CHD7: variants seen among roughly 807,000 people sequenced by gnomAD.
The protein encoded by CHD7 is chromodomain helicase DNA binding protein 7.
In CHD7, 24 loss-of-function variants were observed where a neutral mutation model predicts 307.3. The observed-to-expected ratio is 0.08, with a 90% CI of 0.06 to 0.11. CHD7 has a LOEUF of 0.11. Among genes scored for constraint, CHD7 ranks in the 10% least tolerant of loss-of-function variants. The pLI, the probability that CHD7 is intolerant of heterozygous loss-of-function variation, is 1.00. For synonymous variants in CHD7, 1,363 were observed against 1,349.9 expected, an observed-to-expected ratio of 1.01 and a Z score of -0.21; for missense variants, 3,106 against 3,727.1, an observed-to-expected ratio of 0.83 and a Z score of 4.34.
intron 1 of CHD7, among the ~76,000 whole-genome samples, chr8:60,708,325 T>C (rs1807114085): frequency 6.6e-6 from 1 of 152,206 alleles, no homozygotes; most frequent in Admixed American, 6.5e-5. Context: ...TCTCTCCTGT[T>C]GCAATCCTCT....
At chr8:60,818,975 G>A (rs557351728) in intron 8 of CHD7, among the ~76,000 whole-genome samples, 19 of 152,090 alleles carry the variant, frequency 1.2e-4, no homozygotes, top group South Asian at 6.2e-4. Context: ...TTTTTGAGAC[G>A]GAGTGTCGCC....
intron 21 of CHD7, among the ~76,000 whole-genome samples, chr8:60,844,090 A>C (rs766844194): frequency 6.6e-6 from 1 of 152,230 alleles, no homozygotes; most frequent in African/African-American, 2.4e-5. Context: ...CATGGCTCAC[A>C]TAGCACCTGC....
chr8:60,808,566 T>C (rs1002576156), intron 7 of CHD7, among the ~76,000 whole-genome samples: 16 of 152,334 alleles, frequency 1.1e-4, no homozygotes, highest in Admixed American at 2.0e-4. Flanking sequence ...AGTATTTCCC[T>C]GTCCTCTGAT....
chr8:60,838,521 A>G (rs1050544500), intron 19 of CHD7, among the ~76,000 whole-genome samples: 3 of 152,036 alleles, frequency 2.0e-5, no homozygotes, highest in African/African-American at 4.8e-5. Flanking sequence ...TCTTGACTCT[A>G]TTGTCTCCAC....
chr8:60,830,719 T>C, intron 15 of CHD7, 142 bp downstream of exon 15: 2 of 866,412 alleles, frequency 2.3e-6, no homozygotes, highest in Non-Finnish European at 3.5e-6. Flanking sequence ...AGCTTCCCAC[T>C]TTCTGTGATG....
chr8:60,788,023 TG>T (rs1316347545), intron 3 of CHD7, among the ~76,000 whole-genome samples: 2 of 151,966 alleles, frequency 1.3e-5, no homozygotes, highest in Admixed American at 1.3e-4. Context: ...GGTTTCACCA[TG>T]TTGGCCAGGT....
chr8:60,723,758 A>G (rs1009260299), intron 1 of CHD7, among the ~76,000 whole-genome samples: 6 of 152,192 alleles, frequency 3.9e-5, no homozygotes, highest in Non-Finnish European at 7.3e-5. Flanking sequence ...TTTACTCCAT[A>G]GATTGTGTTT....
intron 6 of CHD7, among the ~76,000 whole-genome samples, chr8:60,804,002 A>G (rs1418911038): frequency 1.3e-5 from 2 of 152,218 alleles, no homozygotes; most frequent in Non-Finnish European, 2.9e-5. Flanking sequence ...TGGAGACTCC[A>G]TGTTTTTCAA....
chr8:60,710,187 C>T (rs1431067031), intron 1 of CHD7, among the ~76,000 whole-genome samples: 3 of 151,438 alleles, frequency 2.0e-5, no homozygotes, highest in Admixed American at 1.3e-4. Context: ...TTTCAAAATA[C>T]ACGCTCTTAG....
chr8:60,853,193 C>T lies in CHD7; in HGVS notation c.6468C>T (p.Val2156=), dbSNP rs777858802. 37 of 1,613,810 alleles carry T rather than the reference C, an allele frequency of 2.3e-5. No individual in the cohort carries two copies. The East Asian group carries it at 7.8e-4, about 34-fold the overall frequency. ...LAVGFVQTPP[V]ISSAHIQDER... ...TTGGATTTGTCCAGACTCCTCCAGTCATCTCATCTGCTCATATTCAAGATG... is the reference window on the plus strand; with the variant it reads ...TTGGATTTGTCCAGACTCCTCCAGTTATCTCATCTGCTCATATTCAAGATG... The change falls in exon 31 of 38, where the codon GTC becomes GTT. Residue 2156 remains valine, a synonymous_variant. Transcript: ENST00000423902.
At position 60,830,450 on chromosome 8, in the gene CHD7, T is replaced by C. The variant is rs368801636; in HGVS notation, c.3651T>C (p.Tyr1217=). The C allele has an allele frequency of 5.6e-6, 9 of 1,613,870 alleles. No individual in the cohort carries two copies. In the African/African-American group the frequency reaches 8.0e-5, roughly 14 times the overall value. Residue 1217 remains tyrosine (Y), a synonymous_variant, in exon 15 of 38, where the codon TAT becomes TAC. Coordinates refer to ENST00000423902, the MANE Select transcript of CHD7 (RefSeq NM_017780.4). ...EVELTNIQKK[Y]YRAILEKNFT... ...AGCTAACAAACATTCAGAAGAAATA[T>C]TACCGAGCCATCCTTGAGAAGAATT...
chr8:60,826,248 C>G (rs974196330), intron 13 of CHD7, among the ~76,000 whole-genome samples: 5 of 152,208 alleles, frequency 3.3e-5, no homozygotes, highest in African/African-American at 9.7e-5. Context: ...AACCTGTACT[C>G]ATCCTTGACT....
chr8:60,720,747 A>G (rs1360930335), intron 1 of CHD7, among the ~76,000 whole-genome samples: 2 of 152,202 alleles, frequency 1.3e-5, no homozygotes, highest in Admixed American at 6.5e-5. Context: ...TTGGCAGGCT[A>G]CTTAACCTTT....
intron 2 of CHD7, among the ~76,000 whole-genome samples, chr8:60,768,366 A>C (rs1810569102): frequency 6.6e-6 from 1 of 152,238 alleles, no homozygotes; most frequent in African/African-American, 2.4e-5. Context: ...TATTATGATC[A>C]GAAACCAAAC....
chr8:60,694,402 T>C (rs764816815), intron 1 of CHD7, among the ~76,000 whole-genome samples: 29 of 152,238 alleles, frequency 1.9e-4, no homozygotes, highest in Non-Finnish European at 5.9e-5. Context: ...AACACACTTA[T>C]GACCCTGTGG....
Position 60,830,309 on chromosome 8 carries a change from G to C in CHD7, c.3523-13G>C. ...AATCATGACACTAGTATTTACTTAAGGTCCTTTTTTAGGTGCAAAAACTTC... is the reference window on the plus strand; with the variant it reads ...AATCATGACACTAGTATTTACTTAACGTCCTTTTTTAGGTGCAAAAACTTC... On this transcript the variant is annotated splice_polypyrimidine_tract_variant and intron_variant, in intron 14 of 37. Transcript: ENST00000423902. The C allele has an allele frequency of 6.2e-7, 1 of 1,606,844 alleles. No homozygotes were observed. Among genetic ancestry groups the C allele is most frequent in the Non-Finnish European group, 8.5e-7 (1 of 1,177,136 alleles).
intron 1 of CHD7, among the ~76,000 whole-genome samples, chr8:60,689,803 C>A (rs188059853): frequency 6.6e-6 from 1 of 152,208 alleles, no homozygotes; most frequent in Non-Finnish European, 1.5e-5. Flanking sequence ...GTGCTCTAAC[C>A]CTGTTTTCAC....
intron 2 of CHD7, among the ~76,000 whole-genome samples, chr8:60,758,387 G>A (rs975579153): frequency 1.3e-4 from 20 of 152,176 alleles, no homozygotes; most frequent in African/African-American, 4.8e-4. Context: ...GCCTTCCTGA[G>A]TGCTGGGATT....
chr8:60,830,622 C>A (rs761670607), intron 15 of CHD7, 45 bp downstream of exon 15: 18 of 1,595,334 alleles, frequency 1.1e-5, no homozygotes, highest in African/African-American at 2.7e-5. Flanking sequence ...ACGATTGAAG[C>A]ACCAGAAATC....
Sources: allele counts gnomAD v4.1 joint callset (sites outside exome capture counted in the v4.1 genomes callset), GRCh38; gene constraint gnomAD v4.1.1; transcripts MANE v1.5; gene names NCBI Gene and HGNC (gene_info 2026-07-23, HGNC 2026-07-21).